NELL1: variants seen among roughly 807,000 people sequenced by gnomAD.
NELL1 encodes neural EGFL like 1.
In NELL1, 76 loss-of-function variants were observed where a neutral mutation model predicts 107.4. The observed-to-expected ratio is 0.71, with a 90% CI of 0.59 to 0.86. The LOEUF (loss-of-function observed/expected upper bound fraction) is 0.86, where lower values mean the gene tolerates loss of function less well. Ranked by LOEUF, NELL1 falls within the 40% of genes least tolerant of loss-of-function variation. NELL1 has a pLI of 0.00. For missense variants in NELL1, 1,024 were observed against 1,005.5 expected (o/e 1.02, Z -0.25); for synonymous variants, 353 against 341.2 (o/e 1.03, Z -0.38).
chr11:20,755,533 G>GT (rs1564894850), intron 2 of NELL1, among the ~76,000 whole-genome samples: 1 of 60,576 alleles, frequency 1.7e-5, no homozygotes, highest in African/African-American at 4.3e-5. Flanking sequence ...GACCTGTGTG[G>GT]GTTTTTGTTT....
chr11:20,888,589 A>G (rs532717321), intron 5 of NELL1, among the ~76,000 whole-genome samples: 1 of 152,302 alleles, frequency 6.6e-6, no homozygotes, highest in East Asian at 1.9e-4. Context: ...TTAATAAAAG[A>G]CATTAATTCT....
intron 4 of NELL1, among the ~76,000 whole-genome samples, chr11:20,875,351 C>A (rs766280802): frequency 1.3e-5 from 2 of 152,062 alleles, no homozygotes; most frequent in Non-Finnish European, 2.9e-5. Context: ...TAGTGTTGTG[C>A]TAAATCTGTC....
intron 2 of NELL1, among the ~76,000 whole-genome samples, chr11:20,764,677 G>T (rs1856493345): frequency 6.6e-6 from 1 of 150,796 alleles, no homozygotes; most frequent in African/African-American, 2.4e-5. Flanking sequence ...TGTTACCCAG[G>T]TGATTCTGAT....
intron 2 of NELL1, among the ~76,000 whole-genome samples, chr11:20,702,236 A>G (rs941837512): frequency 2.0e-5 from 3 of 151,998 alleles, no homozygotes; most frequent in South Asian, 2.1e-4. Context: ...TCCCTTGTAA[A>G]TTGGATTCCT....
intron 13 of NELL1, among the ~76,000 whole-genome samples, chr11:21,195,415 C>T (rs1016308682): frequency 3.3e-4 from 50 of 152,042 alleles, no homozygotes; most frequent in African/African-American, 1.2e-3. Context: ...ACCCCATTTT[C>T]CACCTCTAAT....
rs1856250951 is a variant in NELL1, at chr11:20,755,553, T to TA, written c.185-28127_185-28126insA. Among the ~76,000 whole-genome samples, 3 of 106,074 alleles carry TA rather than the reference T, an allele frequency of 2.8e-5. 1 individual carries two copies. In the South Asian group the frequency reaches 8.4e-4, roughly 30 times the overall value. The allele number at this position is 106,074 out of a possible 152,430, so 69.6% of individuals were successfully genotyped here. On this transcript the variant is annotated intron_variant, in intron 2 of 19. Transcript: ENST00000357134. The stretch of plus-strand genomic sequence containing the variant: ...GTGTGGGTTTTTGTTTTTTTTTGTT[T>TA]TTGTTTTTGTTTTTTTTTTTTTGAG...
intron 15 of NELL1, among the ~76,000 whole-genome samples, chr11:21,429,515 T>A (rs1272162441): frequency 6.6e-6 from 1 of 152,228 alleles, no homozygotes; most frequent in East Asian, 1.9e-4. Flanking sequence ...CTGTCTTGGC[T>A]GTAAACACCC....
chr11:21,449,273 A>G (rs1853520381), intron 15 of NELL1, among the ~76,000 whole-genome samples: 1 of 152,040 alleles, frequency 6.6e-6, no homozygotes, highest in African/African-American at 2.4e-5. Flanking sequence ...GTAAGATCTC[A>G]TTTTTTGTTT....
At chr11:21,389,319 A>G (rs1324266145) in intron 15 of NELL1, among the ~76,000 whole-genome samples, 1 of 151,830 alleles carries the variant, frequency 6.6e-6, no homozygotes, top group East Asian at 2.0e-4. Context: ...AAGTTATTAA[A>G]TATCTGCATT....
intron 5 of NELL1, among the ~76,000 whole-genome samples, chr11:20,890,623 A>T (rs962073246): frequency 6.6e-6 from 1 of 152,124 alleles, no homozygotes; most frequent in Non-Finnish European, 1.5e-5. Flanking sequence ...ATAAGAGGTT[A>T]AAGGAATTGC....
At chr11:21,317,010 T>C (rs1849893594) in intron 14 of NELL1, among the ~76,000 whole-genome samples, 1 of 152,188 alleles carries the variant, frequency 6.6e-6, no homozygotes, top group Admixed American at 6.5e-5. Context: ...ACATAACACT[T>C]TATTCTAGTT....
rs142115374 is a variant in NELL1, at chr11:21,334,842, C to A, written c.1550-36011C>A. Among the ~76,000 whole-genome samples the A allele has an allele frequency of 2.4e-3, 360 of 151,860 alleles. 3 individuals are homozygous for A. Among genetic ancestry groups the A allele is most frequent in the African/African-American group, 8.1e-3 (336 of 41,464 alleles). ...TGTCAATATGCTGTATCTGCTGAGGCAGCTGGAGAAGGAGATTGAGAGCAG... is the reference window on the plus strand; with the variant it reads ...TGTCAATATGCTGTATCTGCTGAGGAAGCTGGAGAAGGAGATTGAGAGCAG... On this transcript the variant is annotated intron_variant, in intron 14 of 19. Transcript: ENST00000357134.
chr11:21,137,225 A>C (rs1424876804), intron 13 of NELL1, among the ~76,000 whole-genome samples: 1 of 152,236 alleles, frequency 6.6e-6, no homozygotes, highest in Non-Finnish European at 1.5e-5. Flanking sequence ...TAAGGATGAA[A>C]AAGTGTTTAG....
intron 13 of NELL1, among the ~76,000 whole-genome samples, chr11:21,205,662 GA>G: frequency 6.6e-6 from 1 of 152,228 alleles, no homozygotes; most frequent in Non-Finnish European, 1.5e-5. Context: ...ACTGGGATAT[GA>G]AAAAAGAAAC....
intron 16 of NELL1, among the ~76,000 whole-genome samples, chr11:21,538,639 G>A (rs923065115): frequency 6.6e-6 from 1 of 151,932 alleles, no homozygotes; most frequent in Non-Finnish European, 1.5e-5. Context: ...AGGGTACAAT[G>A]CACTCTGTGT....
intron 17 of NELL1, 145 bp downstream of exon 17, chr11:21,560,527 A>G: frequency 1.4e-6 from 1 of 700,530 alleles, no homozygotes; most frequent in Non-Finnish European, 2.3e-6. Context: ...ACAGCTAATG[A>G]TGATGCTAAG....
At chr11:21,029,101 T>A (rs1329693851) in intron 12 of NELL1, among the ~76,000 whole-genome samples, 1 of 152,108 alleles carries the variant, frequency 6.6e-6, no homozygotes, top group African/African-American at 2.4e-5. Flanking sequence ...GATTTTTGCT[T>A]CTTTGTAACC....
chr11:21,425,627 C>A (rs573878490), intron 15 of NELL1, among the ~76,000 whole-genome samples: 36 of 152,150 alleles, frequency 2.4e-4, no homozygotes, highest in African/African-American at 8.2e-4. Context: ...GCAAGGAAAC[C>A]AATTGTGCTA....
rs151209541 is a variant in NELL1 at position 20,676,887 on chromosome 11, G to A, written c.56-1045G>A. On this transcript the variant is annotated intron_variant, in intron 1 of 19. Coordinates refer to ENST00000357134, the MANE Select transcript of NELL1 (RefSeq NM_006157.5). ...ACAGTCAAAATTGCACTATTGAGAT[G>A]GTATGTGTAGATAGACACAGCCTTT... is the stretch of plus-strand genomic sequence containing the variant. 3.8e-4 allele frequency among the ~76,000 whole-genome samples: 58 copies of A among 152,250 alleles called. No individual in the cohort carries two copies. In the East Asian group the frequency reaches 0.011, roughly 28 times the overall value.
Sources: gnomAD v4.1 joint callset for allele counts (sites outside exome capture counted in the v4.1 genomes callset) on GRCh38, gnomAD v4.1.1 for gene constraint, MANE v1.5 for transcripts, NCBI Gene and HGNC (gene_info 2026-07-23, HGNC 2026-07-21) for gene names.